The following FAM110B variants were observed in gnomAD, a reference collection of about 807,000 sequenced individuals.
FAM110B encodes the protein family with sequence similarity 110 member B.
A neutral mutation model predicts 20.4 loss-of-function variants in FAM110B; 6 were observed. The ratio of observed to expected loss-of-function variants is 0.29; its 90% CI spans 0.16 to 0.58. The LOEUF is 0.58. Among genes scored for constraint, FAM110B ranks in the 20% least tolerant of loss-of-function variants. The pLI, the probability that FAM110B is intolerant of heterozygous loss-of-function variation, is 0.90. For synonymous variants in FAM110B, 226 were observed against 214.1 expected (o/e 1.06, Z -0.49); for missense variants, 434 against 498.2 (o/e 0.87, Z 1.23).
chr8:58,066,538 ACT>A (rs1243573476), intron 2 of FAM110B, among the ~76,000 whole-genome samples: 2 of 152,014 alleles, frequency 1.3e-5, no homozygotes, highest in African/African-American at 4.8e-5. Flanking sequence ...GGTATGCCAC[ACT>A]CTTCACAAAA....
At chr8:58,074,419 G>A (rs978877900) in intron 2 of FAM110B, among the ~76,000 whole-genome samples, 2 of 152,142 alleles carry the variant, frequency 1.3e-5, no homozygotes, top group Admixed American at 1.3e-4. Context: ...TGGCACTGCT[G>A]CTCCCCCTGC....
At chr8:58,085,306 A>G (rs1014060689) in intron 3 of FAM110B, among the ~76,000 whole-genome samples, 2 of 152,158 alleles carry the variant, frequency 1.3e-5, no homozygotes, top group African/African-American at 4.8e-5. Flanking sequence ...TGAGGTCAGA[A>G]GTTAAAGACT....
chr8:58,123,139 C>T (rs1479588140), intron 3 of FAM110B, among the ~76,000 whole-genome samples: 3 of 152,168 alleles, frequency 2.0e-5, no homozygotes, highest in South Asian at 2.1e-4. Flanking sequence ...AAACTGCTCC[C>T]GCCTGCCAAG....
chr8:58,035,225 G>A (rs939983957), intron 2 of FAM110B, among the ~76,000 whole-genome samples: 2 of 152,108 alleles, frequency 1.3e-5, no homozygotes, highest in African/African-American at 2.4e-5. Context: ...ATCCTTAAAT[G>A]GGAAGTATAC....
intron 2 of FAM110B, among the ~76,000 whole-genome samples, chr8:58,056,152 A>G (rs1805543648): frequency 6.6e-6 from 1 of 152,188 alleles, no homozygotes; most frequent in Non-Finnish European, 1.5e-5. Flanking sequence ...AGGTCATAAG[A>G]CTGTCCTGCA....
chr8:58,096,061 C>A (rs79765740), intron 3 of FAM110B, among the ~76,000 whole-genome samples: 4 of 152,140 alleles, frequency 2.6e-5, no homozygotes, highest in African/African-American at 9.7e-5. Flanking sequence ...AGGATTGCAA[C>A]CCCTGCTTTT....
intron 2 of FAM110B, among the ~76,000 whole-genome samples, chr8:58,061,725 A>G (rs1805661624): frequency 6.6e-6 from 1 of 152,230 alleles, no homozygotes. Context: ...TATAGCAGTG[A>G]AACTTATCTT....
At chr8:58,067,239 T>C (rs1805790855) in intron 2 of FAM110B, among the ~76,000 whole-genome samples, 3 of 152,176 alleles carry the variant, frequency 2.0e-5, no homozygotes, top group African/African-American at 4.8e-5. Flanking sequence ...ATCCATGCAA[T>C]GAGGCAGACG....
At chr8:57,995,422 C>T (rs1297363257) in intron 1 of FAM110B, among the ~76,000 whole-genome samples, 2 of 152,214 alleles carry the variant, frequency 1.3e-5, no homozygotes, top group African/African-American at 4.8e-5. Flanking sequence ...TCAATTGTCT[C>T]TATTTTCTTT....
In FAM110B at chr8:57,999,988, G is replaced by A. The variant is rs530545702; in HGVS notation, c.-512+5182G>A. On this transcript the variant is annotated intron_variant, in intron 1 of 3. Transcript: ENST00000519262. ...TGCATTTTATTCATCAAACTTCACC[G>A]AAGGACTGTAGTCAACAAGCAAAAA... Among the ~76,000 whole-genome samples the A allele has an allele frequency of 1.5e-4, 23 of 152,274 alleles. 1 individual carries two copies. Among genetic ancestry groups the A allele is most frequent in the African/African-American group, 3.6e-4 (15 of 41,560 alleles).
At chr8:58,076,568 A>G (rs1806042475) in intron 3 of FAM110B, among the ~76,000 whole-genome samples, 1 of 152,176 alleles carries the variant, frequency 6.6e-6, no homozygotes, top group African/African-American at 2.4e-5. Flanking sequence ...GTCTCTTCCT[A>G]CAGCCAGACC....
At chr8:58,082,683 G>T (rs143630688) in intron 3 of FAM110B, among the ~76,000 whole-genome samples, 275 of 152,166 alleles carry the variant, frequency 1.8e-3, no homozygotes, top group African/African-American at 6.3e-3. Flanking sequence ...AGAGGATAAA[G>T]AAATGTTTGT....
intron 3 of FAM110B, among the ~76,000 whole-genome samples, chr8:58,144,963 A>G (rs188675542): frequency 1.3e-3 from 198 of 152,366 alleles, no homozygotes; most frequent in Non-Finnish European, 2.2e-3. Context: ...AAGTTGTCCC[A>G]TGAAAGCTTA....
chr8:58,112,087 G>C (rs1201185774), intron 3 of FAM110B, among the ~76,000 whole-genome samples: 1 of 152,164 alleles, frequency 6.6e-6, no homozygotes, highest in African/African-American at 2.4e-5. Flanking sequence ...CACTTTGGGA[G>C]GCCAAGGTGG....
chr8:58,075,404 C>T (rs575556253), intron 2 of FAM110B, 131 bp from the exon 3 acceptor site: 6 of 152,124 alleles, frequency 3.9e-5, no homozygotes, highest in Admixed American at 3.3e-4. Context: ...CAAGCGTGAG[C>T]CACTGCACCC....
intron 2 of FAM110B, among the ~76,000 whole-genome samples, chr8:58,068,971 C>G (rs1331516915): frequency 6.6e-6 from 1 of 152,066 alleles, no homozygotes; most frequent in Non-Finnish European, 1.5e-5. Context: ...TAATTAGAAG[C>G]CCTTAATTTC....
At chr8:58,046,734 C>G (rs1239283560) in intron 2 of FAM110B, among the ~76,000 whole-genome samples, 1 of 152,228 alleles carries the variant, frequency 6.6e-6, no homozygotes, top group Non-Finnish European at 1.5e-5. Context: ...TGCTCCTGCT[C>G]TCACTTATTT....
chr8:58,059,306 T>G (rs901323332), intron 2 of FAM110B, among the ~76,000 whole-genome samples: 4 of 152,228 alleles, frequency 2.6e-5, no homozygotes, highest in Non-Finnish European at 4.4e-5. Flanking sequence ...TGCCCATGAT[T>G]GGAATTGCTA....
chr8:58,011,522 G>A (rs1209040734), intron 1 of FAM110B, among the ~76,000 whole-genome samples: 1 of 152,108 alleles, frequency 6.6e-6, no homozygotes. Context: ...AAGTGAACAC[G>A]AGATGTATGT....
Sources: gnomAD v4.1 joint callset for allele counts (sites outside exome capture counted in the v4.1 genomes callset) on GRCh38, gnomAD v4.1.1 for gene constraint, MANE v1.5 for transcripts, NCBI Gene and HGNC (gene_info 2026-07-23, HGNC 2026-07-21) for gene names.